Variants in LDLRAD3 observed in about 807,000 individuals in gnomAD.
The protein encoded by LDLRAD3 is low-density lipoprotein receptor class A domain-containing protein 3.
A neutral mutation model predicts 29.4 loss-of-function variants in LDLRAD3; 20 were observed. The ratio of observed to expected loss-of-function variants is 0.68; its 90% CI spans 0.48 to 0.99. The LOEUF (loss-of-function observed/expected upper bound fraction) is 0.99, where lower values mean the gene tolerates loss of function less well. Among genes scored for constraint, LDLRAD3 ranks in the 50% least tolerant of loss-of-function variants. The probability of loss-of-function intolerance (pLI) is 0.00; values close to 1 mark genes in which losing one functional copy is unlikely to be tolerated. For synonymous variants in LDLRAD3, 157 were observed against 192.7 expected (o/e 0.81, Z 1.53); for missense variants, 420 against 454.3 (o/e 0.92, Z 0.69).
chr11:36,033,396 C>T (rs907402617), intron 1 of LDLRAD3, among the ~76,000 whole-genome samples: 16 of 152,206 alleles, frequency 1.1e-4, no homozygotes, highest in African/African-American at 3.6e-4. Context: ...TGCATCCACC[C>T]ATCCATTTGT....
chr11:36,128,424 C>T (rs568097704), intron 4 of LDLRAD3, among the ~76,000 whole-genome samples: 2 of 152,042 alleles, frequency 1.3e-5, no homozygotes, highest in Non-Finnish European at 2.9e-5. Context: ...CCCCCTGGGA[C>T]TCGTGGGTAG....
At chr11:35,983,868 G>A (rs1220754409) in intron 1 of LDLRAD3, among the ~76,000 whole-genome samples, 3 of 151,930 alleles carry the variant, frequency 2.0e-5, no homozygotes, top group Non-Finnish European at 4.4e-5. Context: ...CAAGTGATCC[G>A]CCTGCCTCGG....
At chr11:35,965,219 A>G (rs555482873) in intron 1 of LDLRAD3, among the ~76,000 whole-genome samples, 36 of 152,348 alleles carry the variant, frequency 2.4e-4, no homozygotes, top group Middle Eastern at 3.4e-3. Context: ...TTATCCAATC[A>G]TTATTTTCTA....
At chr11:36,109,757 A>AG (rs1853581616) in intron 4 of LDLRAD3, among the ~76,000 whole-genome samples, 1 of 151,524 alleles carries the variant, frequency 6.6e-6, no homozygotes. Context: ...TTTATATTTA[A>AG]AAAAAAATAG....
rs201730925 is a variant in LDLRAD3, at chr11:36,086,384, G to T, written c.319+4606G>T. Among the ~76,000 whole-genome samples the T allele has an allele frequency of 4.1e-3, 627 of 152,268 alleles. 20 individuals are homozygous for T. In the East Asian group the frequency reaches 0.085, roughly 21 times the overall value. On this transcript the variant is annotated intron_variant, in intron 3 of 5. Coordinates refer to ENST00000315571, the MANE Select transcript of LDLRAD3 (RefSeq NM_174902.4). ...TCTGGGTCTTATTTGAAGCCTAGCG[G>T]GAGTGCTTATATATGTGTTTTTGTA... is the stretch of plus-strand genomic sequence containing the variant.
intron 4 of LDLRAD3, among the ~76,000 whole-genome samples, chr11:36,145,122 C>T (rs1479156856): frequency 8.7e-6 from 1 of 114,512 alleles, no homozygotes; most frequent in African/African-American, 3.7e-5. Context: ...GGTCAGCCCC[C>T]CGCCCGGCCA....
chr11:36,081,341 A>G (rs774866476), intron 2 of LDLRAD3, among the ~76,000 whole-genome samples: 5 of 152,036 alleles, frequency 3.3e-5, no homozygotes, highest in Non-Finnish European at 5.9e-5. Context: ...ACCTTCATCT[A>G]CTCGTCATCC....
At chr11:36,007,429 G>A (rs1851899152) in intron 1 of LDLRAD3, among the ~76,000 whole-genome samples, 1 of 152,144 alleles carries the variant, frequency 6.6e-6, no homozygotes, top group Non-Finnish European at 1.5e-5. Context: ...ATTAGAACCT[G>A]CTTCTGGGAC....
chr11:36,197,701 A>G (rs1427873910), intron 4 of LDLRAD3: 1 of 152,262 alleles, frequency 6.6e-6, no homozygotes, highest in East Asian at 1.9e-4. Flanking sequence ...TATACCCACC[A>G]TGGTTCCTGT....
chr11:35,954,565 A>G (rs1851177956), intron 1 of LDLRAD3, among the ~76,000 whole-genome samples: 1 of 152,216 alleles, frequency 6.6e-6, no homozygotes, highest in Non-Finnish European at 1.5e-5. Context: ...ATGACTTTGA[A>G]AAAGAGACGG....
At chr11:36,069,708 T>A (rs1852863411) in intron 2 of LDLRAD3, among the ~76,000 whole-genome samples, 1 of 152,036 alleles carries the variant, frequency 6.6e-6, no homozygotes, top group African/African-American at 2.4e-5. Context: ...CATACTGACC[T>A]CCTTTCAGTT....
intron 2 of LDLRAD3, among the ~76,000 whole-genome samples, chr11:36,039,606 CTATTT>C (rs1160354823): frequency 3.9e-5 from 6 of 152,164 alleles, no homozygotes; most frequent in African/African-American, 1.4e-4. Flanking sequence ...TCTGTATCAA[CTATTT>C]TATTTGGTCG....
At chr11:35,951,619 T>A (rs1311794795) in intron 1 of LDLRAD3, among the ~76,000 whole-genome samples, 1 of 152,244 alleles carries the variant, frequency 6.6e-6, no homozygotes, top group Non-Finnish European at 1.5e-5. Flanking sequence ...AATATGGAAT[T>A]ATGGTAATTT....
chr11:36,003,606 C>T (rs1292591216), intron 1 of LDLRAD3, among the ~76,000 whole-genome samples: 5 of 152,106 alleles, frequency 3.3e-5, no homozygotes, highest in African/African-American at 1.2e-4. Flanking sequence ...ACATGATCTC[C>T]CTTTGGCTAG....
intron 1 of LDLRAD3, among the ~76,000 whole-genome samples, chr11:35,964,868 A>G: frequency 6.6e-6 from 1 of 152,096 alleles, no homozygotes; most frequent in East Asian, 1.9e-4. Context: ...GCACACCTGT[A>G]GTGCCTGCTA....
At chr11:35,968,229 G>A (rs1455354231) in intron 1 of LDLRAD3, 2 of 405,398 alleles carry the variant, frequency 4.9e-6, no homozygotes, top group East Asian at 6.5e-5. Flanking sequence ...ATAGGACTTT[G>A]GGGTGAAGGG....
intron 4 of LDLRAD3, among the ~76,000 whole-genome samples, chr11:36,178,551 A>G (rs1854712070): frequency 6.6e-6 from 1 of 152,240 alleles, no homozygotes; most frequent in African/African-American, 2.4e-5. Context: ...CATGGCATTC[A>G]GAGCCGTGCA....
intron 1 of LDLRAD3, among the ~76,000 whole-genome samples, chr11:35,987,829 T>C (rs1306092433): frequency 6.6e-6 from 1 of 152,232 alleles, no homozygotes; most frequent in African/African-American, 2.4e-5. Context: ...TTAAGCTCTT[T>C]GAGAAATCTC....
At chr11:36,022,009 A>C (rs1455046307) in intron 1 of LDLRAD3, among the ~76,000 whole-genome samples, 1 of 152,156 alleles carries the variant, frequency 6.6e-6, no homozygotes, top group Non-Finnish European at 1.5e-5. Flanking sequence ...GACTTCTTCC[A>C]GTGTCTTGAT....
Sources: allele counts gnomAD v4.1 joint callset (sites outside exome capture counted in the v4.1 genomes callset), GRCh38; gene constraint gnomAD v4.1.1; transcripts MANE v1.5; gene names NCBI Gene and HGNC (gene_info 2026-07-23, HGNC 2026-07-21).